STAU2: variants seen among roughly 807,000 people sequenced by gnomAD.
STAU2 encodes the protein double-stranded RNA-binding protein Staufen homolog 2.
In STAU2, 20 loss-of-function variants were observed where a neutral mutation model predicts 65.9. The observed-to-expected ratio is 0.30, with a 90% CI of 0.21 to 0.44. The LOEUF is 0.44. Ranked by LOEUF, STAU2 falls within the 20% of genes least tolerant of loss-of-function variation. The pLI is 1.00. For synonymous variants in STAU2, 232 were observed against 233.9 expected (o/e 0.99, Z 0.07); for missense variants, 558 against 683.9 (o/e 0.82, Z 2.05).
At position 73,688,828 on chromosome 8, in the gene STAU2, A is replaced by C. The variant is rs1444845727; in HGVS notation, c.115-15T>G. On this transcript the variant is annotated splice_polypyrimidine_tract_variant and intron_variant, in intron 4 of 14. Coordinates refer to ENST00000524300, the MANE Select transcript of STAU2 (RefSeq NM_001164380.2). ...ACTGAGAACATCTTAGAAAAACATA[A>C]ATAGACAAAGAAAACATTAAGACTT... The C allele has an allele frequency of 3.1e-6, 5 of 1,608,482 alleles. No homozygotes were observed. The highest frequency in any genetic ancestry group is 2.2e-5 in the East Asian group (1 of 44,810).
chr8:73,658,943 C>CA (rs71269931), intron 6 of STAU2, among the ~76,000 whole-genome samples: 57,519 of 141,590 alleles, frequency 0.41, 11,977 homozygotes, highest in Non-Finnish European at 0.49. Context: ...ACAAAAACAA[C>CA]AAAAAAAAAA....
At chr8:73,516,877 A>C (rs1822759015) in intron 13 of STAU2, among the ~76,000 whole-genome samples, 1 of 152,198 alleles carries the variant, frequency 6.6e-6, no homozygotes, top group East Asian at 1.9e-4. Flanking sequence ...TATAGGCAAC[A>C]GTTTTCCACT....
chr8:73,657,007 C>A (rs1816427880), intron 6 of STAU2, among the ~76,000 whole-genome samples: 1 of 152,162 alleles, frequency 6.6e-6, no homozygotes, highest in African/African-American at 2.4e-5. Flanking sequence ...CTAAAACCTG[C>A]AATTCTTCAG....
chr8:73,709,288 T>A (rs1820728089), intron 3 of STAU2, 126 bp from the exon 4 acceptor site: 1 of 848,372 alleles, frequency 1.2e-6, no homozygotes, highest in African/African-American at 1.7e-5. Flanking sequence ...ATTTTAAAAA[T>A]TCAAATTACC....
At chr8:73,519,571 T>A (rs993731659) in intron 13 of STAU2, among the ~76,000 whole-genome samples, 1 of 152,210 alleles carries the variant, frequency 6.6e-6, no homozygotes, top group Non-Finnish European at 1.5e-5. Context: ...ATTTACAGTA[T>A]GTGAATACAC....
At chr8:73,543,336 T>C (rs1358574424) in intron 13 of STAU2, among the ~76,000 whole-genome samples, 5 of 152,222 alleles carry the variant, frequency 3.3e-5, no homozygotes, top group African/African-American at 1.2e-4. Context: ...GGTGGTAGTA[T>C]ACATTTTGGT....
intron 7 of STAU2, 88 bp downstream of exon 7, chr8:73,617,204 C>T (rs776510032): frequency 8.8e-6 from 13 of 1,484,806 alleles, no homozygotes; most frequent in Non-Finnish European, 1.2e-5. Flanking sequence ...CCTATCAGAA[C>T]AGATTATTTA....
chr8:73,595,456 A>G (rs921770278), intron 10 of STAU2, among the ~76,000 whole-genome samples, 159 bp from the exon 11 acceptor site: 1 of 152,206 alleles, frequency 6.6e-6, no homozygotes, highest in African/African-American at 2.4e-5. Flanking sequence ...GTAATGTTGT[A>G]TATGTACATG....
intron 13 of STAU2, among the ~76,000 whole-genome samples, chr8:73,547,299 A>C (rs1806999981): frequency 6.6e-6 from 1 of 152,008 alleles, no homozygotes; most frequent in Non-Finnish European, 1.5e-5. Context: ...TATTACTGTT[A>C]CTCATTGTAG....
chr8:73,498,122 T>G (rs1413688750), intron 13 of STAU2, among the ~76,000 whole-genome samples: 2 of 151,890 alleles, frequency 1.3e-5, no homozygotes, highest in Non-Finnish European at 2.9e-5. Context: ...AATGAACATT[T>G]AGCAGAGCCA....
chr8:73,524,251 G>A (rs1823220354), intron 13 of STAU2, among the ~76,000 whole-genome samples: 3 of 152,130 alleles, frequency 2.0e-5, no homozygotes, highest in Admixed American at 1.3e-4. Context: ...ACGGGGACTA[G>A]GGGTTCAAGG....
intron 4 of STAU2, among the ~76,000 whole-genome samples, chr8:73,707,018 G>C (rs1820552312): frequency 6.6e-6 from 1 of 152,232 alleles, no homozygotes; most frequent in Non-Finnish European, 1.5e-5. Flanking sequence ...GGATAGGGAT[G>C]ATGTCACTAA....
chr8:73,658,306 T>A (rs986830042), intron 6 of STAU2, among the ~76,000 whole-genome samples: 1 of 151,902 alleles, frequency 6.6e-6, no homozygotes, highest in African/African-American at 2.4e-5. Context: ...TAGGGGAAGT[T>A]ACAGTGAGCG....
chr8:73,439,336 A>C, intron 13 of STAU2: 1 of 294,384 alleles, frequency 3.4e-6, no homozygotes, highest in South Asian at 3.1e-5. Flanking sequence ...CTAAGATTTG[A>C]CTGGGCATGG....
intron 4 of STAU2, among the ~76,000 whole-genome samples, chr8:73,696,790 G>A (rs1446823711): frequency 6.6e-6 from 1 of 152,104 alleles, no homozygotes; most frequent in Non-Finnish European, 1.5e-5. Flanking sequence ...TAAAGAAAAG[G>A]TAGAAAAAGA....
chr8:73,711,376 C>T (rs925241211), intron 3 of STAU2, among the ~76,000 whole-genome samples: 2 of 151,998 alleles, frequency 1.3e-5, no homozygotes, highest in African/African-American at 4.8e-5. Context: ...GTGCAACAGA[C>T]AGCACAGCCA....
At chr8:73,423,922 T>C (rs1450446949) in intron 13 of STAU2, among the ~76,000 whole-genome samples, 1 of 152,182 alleles carries the variant, frequency 6.6e-6, no homozygotes, top group East Asian at 1.9e-4. Context: ...GTCCATGGTT[T>C]ACATAAGGGT....
chr8:73,491,059 C>T (rs1052431648), intron 13 of STAU2, among the ~76,000 whole-genome samples: 1 of 151,852 alleles, frequency 6.6e-6, no homozygotes, highest in Non-Finnish European at 1.5e-5. Flanking sequence ...AGTATTAATG[C>T]CTGGAAATAA....
chr8:73,489,724 A>G (rs895928112), intron 13 of STAU2, among the ~76,000 whole-genome samples: 27 of 152,078 alleles, frequency 1.8e-4, no homozygotes, highest in African/African-American at 6.3e-4. Flanking sequence ...TTGCCGTTAC[A>G]TAACTGAAAT....
Sources: allele counts gnomAD v4.1 joint callset (sites outside exome capture counted in the v4.1 genomes callset), GRCh38; gene constraint gnomAD v4.1.1; transcripts MANE v1.5; gene names NCBI Gene and HGNC (gene_info 2026-07-23, HGNC 2026-07-21).